Variants in VPS13D observed in about 807,000 individuals in gnomAD.
The protein encoded by VPS13D is intermembrane lipid transfer protein VPS13D.
In VPS13D, 187 loss-of-function variants were observed where a neutral mutation model predicts 461.9. The ratio of observed to expected loss-of-function variants is 0.40; its 90% CI spans 0.36 to 0.46. The LOEUF is 0.46. Among genes scored for constraint, VPS13D ranks in the 20% least tolerant of loss-of-function variants. The pLI, the probability that VPS13D is intolerant of heterozygous loss-of-function variation, is 0.60. For synonymous variants in VPS13D, 1,951 were observed against 1,986.3 expected (o/e 0.98, Z 0.47); for missense variants, 4,711 against 5,364.9 (o/e 0.88, Z 3.81).
intron 65 of VPS13D, among the ~76,000 whole-genome samples, chr1:12,452,330 G>A (rs372666334): frequency 1.3e-5 from 2 of 152,240 alleles, no homozygotes; most frequent in East Asian, 3.8e-4. Context: ...GATGGCCTGG[G>A]CCAGTCACTC....
At chr1:12,482,177 A>G (rs1157356075) in intron 67 of VPS13D, among the ~76,000 whole-genome samples, 2 of 152,224 alleles carry the variant, frequency 1.3e-5, no homozygotes, top group Admixed American at 6.5e-5. Context: ...ACCACCAGCT[A>G]GGATAGTACA....
At chr1:12,478,636 C>G in intron 67 of VPS13D, 1 of 360,394 alleles carries the variant, frequency 2.8e-6, no homozygotes, top group South Asian at 2.1e-5. Flanking sequence ...TTCTTTTCTT[C>G]AAACAGCTTT....
rs1641426538 is a variant in VPS13D, at chr1:12,271,077, G to A, written c.2056G>A (p.Ala686Thr). The change falls in exon 17 of 70, where the codon GCA becomes ACA. Residue 686 changes from alanine (A) to threonine (T), a missense_variant. By Grantham distance (58) the Ala-to-Thr change is moderately conservative. This residue lies in a region of VPS13D where 4,411 missense variants were observed against 4,937.8 expected (regional missense o/e 0.89). Coordinates refer to ENST00000620676, the MANE Select transcript of VPS13D (RefSeq NM_015378.4). ...QYNKLKMQTK[A>T]EIRQTLDRLL... ...TAACAAGCTGAAGATGCAGACCAAG[G>A]CAGAAATCCGGCAAACTCTTGATCG... The A allele has an allele frequency of 1.2e-6, 2 of 1,614,014 alleles. No homozygotes were observed. The highest frequency in any genetic ancestry group is 1.3e-5 in the African/African-American group (1 of 74,998).
At chr1:12,304,008 A>C (rs769037031) in intron 25 of VPS13D, among the ~76,000 whole-genome samples, 8 of 152,158 alleles carry the variant, frequency 5.3e-5, no homozygotes, top group African/African-American at 1.2e-4. Context: ...TTTTGTTTTC[A>C]TTTCTACAGT....
intron 43 of VPS13D, 49 bp downstream of exon 43, chr1:12,345,558 A>T (rs1643657342): frequency 1.3e-6 from 2 of 1,584,734 alleles, no homozygotes; most frequent in Non-Finnish European, 1.7e-6. Context: ...TCAGGAAGTC[A>T]GATGGTTAAG....
intron 42 of VPS13D, chr1:12,345,061 T>G (rs536973209): frequency 4.2e-6 from 1 of 236,380 alleles, no homozygotes; most frequent in South Asian, 1.3e-4. Context: ...CCCAGTGACA[T>G]CATTATATAG....
intron 28 of VPS13D, 25 bp from the exon 29 acceptor site, chr1:12,311,788 A>G: frequency 6.2e-7 from 1 of 1,605,718 alleles, no homozygotes; most frequent in Non-Finnish European, 8.5e-7. Flanking sequence ...TCAGCTGTGG[A>G]TTGACGAGCA....
At chr1:12,330,056 T>C in intron 37 of VPS13D, 138 bp downstream of exon 37, 1 of 668,782 alleles carries the variant, frequency 1.5e-6, no homozygotes, top group African/African-American at 1.8e-5. Flanking sequence ...GCAAGTAGAC[T>C]GCATAAACAC....
At chr1:12,230,620 C>A (rs1257627468) in intron 1 of VPS13D, among the ~76,000 whole-genome samples, 1 of 152,068 alleles carries the variant, frequency 6.6e-6, no homozygotes, top group Non-Finnish European at 1.5e-5. Context: ...ATGCCTTAGC[C>A]ACCTCCCTTA....
chr1:12,306,046 C>T (rs368032705), intron 26 of VPS13D, among the ~76,000 whole-genome samples: 21 of 151,794 alleles, frequency 1.4e-4, no homozygotes, highest in East Asian at 1.2e-3. Context: ...TGCAGTGATG[C>T]GATCTTGGCT....
intron 46 of VPS13D, among the ~76,000 whole-genome samples, chr1:12,351,229 A>C (rs1643785583): frequency 6.6e-6 from 1 of 152,234 alleles, no homozygotes; most frequent in African/African-American, 2.4e-5. Context: ...TGATACAGCT[A>C]CTATGTAAAA....
Position 12,509,092 on chromosome 1 carries a change from T to G in VPS13D, c.*68T>G, listed in dbSNP as rs760379030. On this transcript the variant is annotated 3_prime_UTR_variant, in exon 70 of 70. Transcript: ENST00000620676. ...CACCAGGAGGAAAGAGGCCCAGCTCTCAGCTGACGATGGAGGCAGAACCGG... is the reference window on the plus strand; with the variant it reads ...CACCAGGAGGAAAGAGGCCCAGCTCGCAGCTGACGATGGAGGCAGAACCGG... The G allele has an allele frequency of 1.3e-6, 2 of 1,548,530 alleles. No individual in the cohort carries two copies. Among genetic ancestry groups the G allele is most frequent in the Non-Finnish European group, 8.7e-7 (1 of 1,147,766 alleles).
At chr1:12,424,336 T>A (rs1451149127) in intron 65 of VPS13D, among the ~76,000 whole-genome samples, 1 of 152,260 alleles carries the variant, frequency 6.6e-6, no homozygotes, top group African/African-American at 2.4e-5. Context: ...TTTCCTCTGA[T>A]AATTTTGAGT....
intron 35 of VPS13D, among the ~76,000 whole-genome samples, chr1:12,326,646 A>ATT (rs546644698): frequency 7.1e-5 from 10 of 141,796 alleles, no homozygotes; most frequent in Middle Eastern, 3.7e-3. Context: ...CTGTTTGGTA[A>ATT]TTTTTTTTTT....
chr1:12,310,505 C>T (rs1262653318), intron 27 of VPS13D, among the ~76,000 whole-genome samples: 1 of 152,152 alleles, frequency 6.6e-6, no homozygotes, highest in Non-Finnish European at 1.5e-5. Flanking sequence ...TCCCCCTCTT[C>T]AACTTTACTT....
chr1:12,253,322 T>A (rs191391516), intron 6 of VPS13D, among the ~76,000 whole-genome samples: 2 of 152,286 alleles, frequency 1.3e-5, no homozygotes, highest in Admixed American at 1.3e-4. Flanking sequence ...ATTTGCAGAT[T>A]TTTGTATCTT....
chr1:12,356,133 T>C, intron 48 of VPS13D, 43 bp downstream of exon 48: 1 of 1,553,320 alleles, frequency 6.4e-7, no homozygotes, highest in Non-Finnish European at 8.7e-7. Flanking sequence ...GCGTTAGTCA[T>C]GGGAATTCAG....
intron 54 of VPS13D, among the ~76,000 whole-genome samples, chr1:12,371,304 G>A (rs557260871): frequency 3.9e-5 from 6 of 152,174 alleles, no homozygotes; most frequent in African/African-American, 7.2e-5. Context: ...TGGAATCATA[G>A]GAGTGATCTT....
At chr1:12,373,450 G>A (rs909373783) in intron 54 of VPS13D, among the ~76,000 whole-genome samples, 3 of 151,454 alleles carry the variant, frequency 2.0e-5, no homozygotes, top group East Asian at 1.9e-4. Flanking sequence ...TTGGTGGGGG[G>A]GCCTCTAAAG....
Sources: allele counts gnomAD v4.1 joint callset (sites outside exome capture counted in the v4.1 genomes callset), GRCh38; gene constraint gnomAD v4.1.1; regional missense constraint gnomAD v4.1.1; transcripts MANE v1.5; gene names NCBI Gene and HGNC (gene_info 2026-07-23, HGNC 2026-07-21).